The following KSR1 variants were observed in gnomAD, a reference collection of about 807,000 sequenced individuals.
KSR1 encodes the protein kinase suppressor of ras 1, also known as kinase suppressor of ras.
In KSR1, 35 loss-of-function variants were observed where a neutral mutation model predicts 92.9. That is an observed-to-expected ratio of 0.38 (90% CI 0.29 to 0.50). The LOEUF (loss-of-function observed/expected upper bound fraction) is 0.50. Among genes scored for constraint, KSR1 ranks in the 20% least tolerant of loss-of-function variants. KSR1 has a pLI of 0.94. For missense variants in KSR1, 972 were observed against 1,158.5 expected (o/e 0.84, Z 2.34); for synonymous variants, 467 against 472.6 (o/e 0.99, Z 0.15).
intron 1 of KSR1, 108 bp downstream of exon 1, chr17:27,456,982 T>G: frequency 1.5e-6 from 1 of 686,588 alleles, no homozygotes; most frequent in Non-Finnish European, 2.6e-6. Context: ...GTCGCCCCCC[T>G]TGGAGGCTTC....
intron 4 of KSR1, among the ~76,000 whole-genome samples, chr17:27,584,181 G>T (rs534311194): frequency 5.9e-5 from 9 of 152,072 alleles, no homozygotes; most frequent in Non-Finnish European, 1.2e-4. Context: ...TCTCTCCTCG[G>T]CATGGGCACC....
At chr17:27,502,526 T>C (rs561586326) in intron 1 of KSR1, among the ~76,000 whole-genome samples, 1 of 152,392 alleles carries the variant, frequency 6.6e-6, no homozygotes, top group South Asian at 2.1e-4. Context: ...TTCCATTCTC[T>C]AGCCCTTGGT....
At chr17:27,519,657 T>G (rs573399719) in intron 1 of KSR1, among the ~76,000 whole-genome samples, 1 of 152,248 alleles carries the variant, frequency 6.6e-6, no homozygotes, top group East Asian at 1.9e-4. Context: ...GCAATGTGAG[T>G]GTTTAGAGCT....
In KSR1 at chr17:27,623,547, C is replaced by T. The variant is rs1467005381; in HGVS notation, c.*155C>T. 6.0e-6 allele frequency: 4 copies of T among 666,012 alleles called. No homozygotes were observed. Among genetic ancestry groups the T allele is most frequent in the South Asian group, 3.2e-5 (2 of 61,620 alleles). The allele number at this position is 666,012 out of a possible 1,614,324, so 41.3% of individuals were successfully genotyped here. A position where few individuals can be genotyped will look rare whatever the true frequency, so the allele number is the denominator to read the frequency against. On this transcript the variant is annotated 3_prime_UTR_variant, in exon 21 of 21. Transcript: ENST00000644974. ...CAGACTGTTGGCCATAAACCCCACTCGGGAGATGGAGCTGCACCTGCTATT... is the reference window on the plus strand; with the variant it reads ...CAGACTGTTGGCCATAAACCCCACTTGGGAGATGGAGCTGCACCTGCTATT...
chr17:27,584,544 C>G (rs970795276), intron 4 of KSR1, among the ~76,000 whole-genome samples: 2 of 152,198 alleles, frequency 1.3e-5, no homozygotes, highest in African/African-American at 4.8e-5. Flanking sequence ...TGGGCTCAAC[C>G]CAGTCCCTGT....
At chr17:27,589,399 C>CT (rs1285977857) in intron 6 of KSR1, among the ~76,000 whole-genome samples, 13 of 152,124 alleles carry the variant, frequency 8.5e-5, no homozygotes, top group Non-Finnish European at 1.8e-4. Context: ...CTCTGTAACT[C>CT]TTAAGTTCAG....
Position 27,619,805 on chromosome 17 carries a change from C to T in KSR1, c.2628-1388C>T, listed in dbSNP as rs191749243. Among the ~76,000 whole-genome samples the T allele has an allele frequency of 9.1e-4, 138 of 152,234 alleles. 2 individuals carry two copies. Among genetic ancestry groups the T allele is most frequent in the Non-Finnish European group, 6.5e-4 (44 of 67,994 alleles). Reference sequence around the variant, plus strand: ...TCGACTCACTGCAACCTCCGCCTCCCGGGTTCAAGCGATTCTCATGCCTCA... The same window carrying T: ...TCGACTCACTGCAACCTCCGCCTCCTGGGTTCAAGCGATTCTCATGCCTCA... On this transcript the variant is annotated intron_variant, in intron 19 of 20. Coordinates refer to ENST00000644974, the MANE Select transcript of KSR1 (RefSeq NM_001394583.1).
chr17:27,621,351 G>A (rs913699889), intron 20 of KSR1, 78 bp downstream of exon 20: 30 of 397,786 alleles, frequency 7.5e-5, no homozygotes, highest in South Asian at 2.6e-4. Flanking sequence ...TTCTGTCGCC[G>A]CTTCCCAGCT....
At chr17:27,552,569 C>T (rs941788282) in intron 2 of KSR1, among the ~76,000 whole-genome samples, 5 of 152,080 alleles carry the variant, frequency 3.3e-5, no homozygotes, top group Admixed American at 3.3e-4. Context: ...TGCCATGAGT[C>T]ACCTCCATGA....
intron 1 of KSR1, among the ~76,000 whole-genome samples, chr17:27,528,588 C>T (rs1177202211): frequency 6.6e-6 from 1 of 152,078 alleles, no homozygotes; most frequent in East Asian, 1.9e-4. Flanking sequence ...AGGATGTCCT[C>T]TTCTCTTCCT....
In KSR1 at chr17:27,592,422, C is replaced by T. The variant is rs187920893; in HGVS notation, c.1192C>T (p.Leu398=). 7.6e-5 allele frequency: 122 copies of T among 1,613,864 alleles called. No homozygotes were observed. Among genetic ancestry groups the T allele is most frequent in the African/African-American group, 5.5e-4 (41 of 75,024 alleles). Residue 398 remains leucine (L), a splice_region_variant and synonymous_variant, in exon 8 of 21, where the codon CTA becomes TTA. Coordinates refer to ENST00000644974, the MANE Select transcript of KSR1 (RefSeq NM_001394583.1). ...TGCCTGTAGAATATCCTTCCTGCCA[C>T]GTGAGTTTTCTGCCTTCCTCTCCTC... ...APACRISFLP[L]TRLRRTESVP...
intron 1 of KSR1, among the ~76,000 whole-genome samples, chr17:27,513,382 G>A (rs2069672622): frequency 1.3e-5 from 2 of 152,084 alleles, no homozygotes; most frequent in Admixed American, 6.5e-5. Flanking sequence ...CCTGAGCCCA[G>A]GAGTTCAAGA....
chr17:27,601,471 G>GACA, intron 11 of KSR1, 70 bp downstream of exon 11: 2 of 1,366,652 alleles, frequency 1.5e-6, no homozygotes, highest in Non-Finnish European at 2.1e-6. Flanking sequence ...ACCTGGGCAG[G>GACA]GCGCCCTCTC....
At chr17:27,564,364 T>C (rs1365971799) in intron 2 of KSR1, among the ~76,000 whole-genome samples, 6 of 152,238 alleles carry the variant, frequency 3.9e-5, no homozygotes, top group Non-Finnish European at 8.8e-5. Context: ...CCAGGGCTCA[T>C]AGTAAGTACT....
intron 1 of KSR1, among the ~76,000 whole-genome samples, chr17:27,487,074 C>G (rs1471027163): frequency 6.6e-6 from 1 of 152,152 alleles, no homozygotes; most frequent in African/African-American, 2.4e-5. Context: ...GTAAACCTCC[C>G]TTATACTGTG....
chr17:27,532,235 A>C (rs1282298251), intron 1 of KSR1, among the ~76,000 whole-genome samples: 1 of 152,220 alleles, frequency 6.6e-6, no homozygotes, highest in Non-Finnish European at 1.5e-5. Context: ...AGATGGGGCC[A>C]ATTGCAAAGG....
At chr17:27,493,658 CT>C (rs2068891809) in intron 1 of KSR1, among the ~76,000 whole-genome samples, 1 of 152,102 alleles carries the variant, frequency 6.6e-6, no homozygotes. Flanking sequence ...TTTAAATAAC[CT>C]TTCCTTCTGT....
chr17:27,479,107 C>T (rs1460670554), intron 1 of KSR1, among the ~76,000 whole-genome samples: 1 of 150,698 alleles, frequency 6.6e-6, no homozygotes, highest in Non-Finnish European at 1.5e-5. Flanking sequence ...CATCCATGCT[C>T]CTCTCTCCCT....
Position 27,623,393 on chromosome 17 carries a change from C to G in KSR1, c.*1C>G, listed in dbSNP as rs762201069. 1 of 764,312 alleles carries G rather than the reference C, an allele frequency of 1.3e-6. No homozygotes were observed. Among genetic ancestry groups the G allele is most frequent in the Admixed American group, 1.7e-5 (1 of 58,906 alleles). The allele number at this position is 764,312 out of a possible 1,614,324, so 47.3% of individuals were successfully genotyped here. A position where few individuals can be genotyped will look rare whatever the true frequency, so the allele number is the denominator to read the frequency against. On this transcript the variant is annotated 3_prime_UTR_variant, in exon 21 of 21. Transcript: ENST00000644974. The stretch of plus-strand genomic sequence containing the variant: ...GGAGTCCAGTAATCCAAAGATGTAG[C>G]CAGCCATATGGTTTTTCGCTGCTGA...
Sources: allele counts gnomAD v4.1 joint callset (sites outside exome capture counted in the v4.1 genomes callset), GRCh38; gene constraint gnomAD v4.1.1; transcripts MANE v1.5; gene names NCBI Gene and HGNC (gene_info 2026-07-23, HGNC 2026-07-21).